RBFOX1: variants seen among roughly 807,000 people sequenced by gnomAD.
The protein encoded by RBFOX1 is RNA binding protein fox-1 homolog 1.
In RBFOX1, 8 loss-of-function variants were observed where a neutral mutation model predicts 57.7. That is an observed-to-expected ratio of 0.14 (90% CI 0.08 to 0.25). The LOEUF (loss-of-function observed/expected upper bound fraction) is 0.25. RBFOX1 is among the 10% of genes least tolerant of loss of function. The pLI is 1.00. For missense variants in RBFOX1, 611 were observed against 548.5 expected (o/e 1.11, Z -1.14); for synonymous variants, 326 against 222.4 (o/e 1.47, Z -4.15).
intron 3 of RBFOX1, among the ~76,000 whole-genome samples, chr16:6,943,278 C>G (rs1175576501): frequency 6.6e-6 from 1 of 152,148 alleles, no homozygotes; most frequent in Non-Finnish European, 1.5e-5. Context: ...AAAAGAATAG[C>G]CCATTTGTCT....
chr16:7,315,738 G>A (rs758582285), intron 4 of RBFOX1, among the ~76,000 whole-genome samples: 9 of 152,016 alleles, frequency 5.9e-5, no homozygotes, highest in Non-Finnish European at 1.3e-4. Context: ...CAGGTGTCCA[G>A]CAAATGCACT....
chr16:5,900,211 A>T (rs553443955), intron 4 of RBFOX1, among the ~76,000 whole-genome samples: 6 of 152,316 alleles, frequency 3.9e-5, no homozygotes, highest in Non-Finnish European at 5.9e-5. Context: ...GGTGGGGCCA[A>T]TGTGGGAGAT....
At chr16:7,687,823 A>C (rs2076389471) in intron 14 of RBFOX1, among the ~76,000 whole-genome samples, 1 of 152,054 alleles carries the variant, frequency 6.6e-6, no homozygotes, top group Non-Finnish European at 1.5e-5. Context: ...TTTCCTGAAG[A>C]GGCAAGATAC....
intron 2 of RBFOX1, among the ~76,000 whole-genome samples, chr16:6,327,921 G>A (rs2082565130): frequency 6.6e-6 from 1 of 152,100 alleles, no homozygotes; most frequent in Non-Finnish European, 1.5e-5. Flanking sequence ...ATGCACCGTG[G>A]TCCCAGTCTG....
intron 2 of RBFOX1, among the ~76,000 whole-genome samples, chr16:5,520,496 C>T (rs909336897): frequency 2.6e-5 from 4 of 152,170 alleles, no homozygotes; most frequent in Admixed American, 6.5e-5. Context: ...TGAAACTGTT[C>T]TGGGGTTTCT....
chr16:5,644,020 C>T lies in RBFOX1; in HGVS notation c.318+45059C>T, dbSNP rs187207903. On this transcript the variant is annotated intron_variant, in intron 3 of 19. Transcript: ENST00000641259. ...GTCAAATGTGACCTTTACAACAAAA[C>T]GTGCAGACTGCGTCGTACACAGAGG... Among the ~76,000 whole-genome samples the T allele has an allele frequency of 6.6e-5, 10 of 152,310 alleles. No homozygotes were observed. The East Asian group carries it at 1.5e-3, about 23-fold the overall frequency.
chr16:5,479,805 C>T (rs1385588251), intron 2 of RBFOX1, among the ~76,000 whole-genome samples: 2 of 152,104 alleles, frequency 1.3e-5, no homozygotes, highest in East Asian at 3.9e-4. Context: ...TACCTGTATT[C>T]ATGGTGGTCA....
rs535830828 is a variant in RBFOX1, at chr16:5,849,378, C to T, written c.319-17925C>T. Among the ~76,000 whole-genome samples the T allele has an allele frequency of 1.4e-4, 21 of 152,130 alleles. 2 individuals are homozygous for T. The highest frequency in any genetic ancestry group is 5.1e-4 in the African/African-American group (21 of 41,490). On this transcript the variant is annotated intron_variant, in intron 3 of 19. Transcript: ENST00000641259. ...TGAAATCACCATGAGGCCCTGCTTC[C>T]TCAAGGTGTAGGAAAGGGAGGGGGA...
At chr16:6,838,374 C>G (rs373951167) in intron 3 of RBFOX1, among the ~76,000 whole-genome samples, 3 of 152,168 alleles carry the variant, frequency 2.0e-5, no homozygotes, top group African/African-American at 7.2e-5. Flanking sequence ...TTTTTTATGG[C>G]TGCATAATAT....
chr16:6,325,050 G>A (rs2082218111), intron 2 of RBFOX1, among the ~76,000 whole-genome samples: 2 of 152,132 alleles, frequency 1.3e-5, no homozygotes, highest in Non-Finnish European at 2.9e-5. Context: ...TTCATGGGTT[G>A]TAGTAACGAA....
intron 3 of RBFOX1, among the ~76,000 whole-genome samples, chr16:6,914,393 C>G (rs1177665689): frequency 6.6e-6 from 1 of 151,970 alleles, no homozygotes; most frequent in Non-Finnish European, 1.5e-5. Flanking sequence ...GATTCAGAAT[C>G]TACAAGTTAA....
intron 3 of RBFOX1, among the ~76,000 whole-genome samples, chr16:7,048,404 C>T (rs1463393459): frequency 6.6e-6 from 1 of 151,860 alleles, no homozygotes; most frequent in Non-Finnish European, 1.5e-5. Flanking sequence ...GGACTACAGT[C>T]GCGTGTCGCC....
intron 1 of RBFOX1, among the ~76,000 whole-genome samples, chr16:5,406,683 G>T (rs2066877097): frequency 6.6e-6 from 1 of 151,448 alleles, no homozygotes; most frequent in South Asian, 2.1e-4. Context: ...TGTTCTATTG[G>T]TTCTGTTTTC....
intron 2 of RBFOX1, among the ~76,000 whole-genome samples, chr16:6,417,715 A>G (rs903118535): frequency 6.6e-6 from 1 of 151,812 alleles, no homozygotes; most frequent in Non-Finnish European, 1.5e-5. Flanking sequence ...TTTAAAAAAA[A>G]AAAAAATTAA....
chr16:7,348,088 G>C (rs368789835), intron 4 of RBFOX1, among the ~76,000 whole-genome samples: 1 of 152,204 alleles, frequency 6.6e-6, no homozygotes, highest in African/African-American at 2.4e-5. Context: ...TTGCAAAACT[G>C]TTTTAAAACA....
intron 2 of RBFOX1, among the ~76,000 whole-genome samples, chr16:6,408,845 C>G (rs1165521398): frequency 6.6e-6 from 1 of 152,128 alleles, no homozygotes; most frequent in Non-Finnish European, 1.5e-5. Context: ...CATCTTGCTG[C>G]TATTTTCTGT....
chr16:6,258,128 G>A lies in RBFOX1; in HGVS notation c.-126-58867G>A, dbSNP rs577276599. Among the ~76,000 whole-genome samples, 25 of 152,094 alleles carry A rather than the reference G, an allele frequency of 1.6e-4. No individual in the cohort carries two copies. In the South Asian group the frequency reaches 4.2e-3, roughly 25 times the overall value. On this transcript the variant is annotated intron_variant, in intron 1 of 15. Coordinates refer to ENST00000550418, the MANE Select transcript of RBFOX1 (RefSeq NM_018723.4). ...CCCTTATCCCATCATCTTTTGTAAC[G>A]TTTTATTTATTTTTAAAACTCCTTA...
At chr16:6,431,188 C>T (rs1043059953) in intron 2 of RBFOX1, among the ~76,000 whole-genome samples, 1 of 151,574 alleles carries the variant, frequency 6.6e-6, no homozygotes, top group East Asian at 2.0e-4. Flanking sequence ...TGGGGAAAGG[C>T]AGGTGATTGC....
At chr16:5,591,881 C>T (rs907897732) in intron 2 of RBFOX1, among the ~76,000 whole-genome samples, 3 of 152,184 alleles carry the variant, frequency 2.0e-5, no homozygotes. Flanking sequence ...ACAGCAGACA[C>T]TCGAAAAATG....
Sources: allele counts gnomAD v4.1 joint callset (sites outside exome capture counted in the v4.1 genomes callset), GRCh38; gene constraint gnomAD v4.1.1; transcripts MANE v1.5; gene names NCBI Gene and HGNC (gene_info 2026-07-23, HGNC 2026-07-21).